The following AGXT2 variants were observed in gnomAD, a reference collection of about 807,000 sequenced individuals.
AGXT2 encodes alanine--glyoxylate aminotransferase 2, mitochondrial.
Under a neutral mutation model 62.5 loss-of-function variants are expected in AGXT2, and 61 were observed. That is an observed-to-expected ratio of 0.98 (90% CI 0.79 to 1.21). The LOEUF is 1.21. Ranked by LOEUF, AGXT2 falls within the 50% of genes most tolerant of loss-of-function variation. AGXT2 has a pLI of 0.00. For synonymous variants in AGXT2, 243 were observed against 218.7 expected (o/e 1.11, Z -0.98); for missense variants, 666 against 641.5 (o/e 1.04, Z -0.41).
chr5:35,042,984 A>G (rs1013590596), intron 1 of AGXT2, among the ~76,000 whole-genome samples: 1 of 152,200 alleles, frequency 6.6e-6, no homozygotes, highest in African/African-American at 2.4e-5. Flanking sequence ...TGAGACATTG[A>G]AAGATGGAAT....
At chr5:35,000,633 G>A (rs551947077) in intron 13 of AGXT2, among the ~76,000 whole-genome samples, 2 of 152,240 alleles carry the variant, frequency 1.3e-5, no homozygotes, top group East Asian at 1.9e-4. Flanking sequence ...CTGCCGCTTC[G>A]GCCTCCCAAA....
In AGXT2 at chr5:35,026,662, G is replaced by C. The variant is rs952140951; in HGVS notation, c.770-152C>G. The C allele has an allele frequency of 1.0e-5, 10 of 959,916 alleles. No individual in the cohort carries two copies. The Admixed American group carries it at 2.4e-4, about 23-fold the overall frequency. The allele number at this position is 959,916 out of a possible 1,614,324, so 59.5% of individuals were successfully genotyped here. A position where few individuals can be genotyped will look rare whatever the true frequency, so the allele number is the denominator to read the frequency against. ...TCAGAATACGGTAAACTGGGGTGAG[G>C]ATATGCATTTCTGAAGGGGGAATGT... is the stretch of plus-strand genomic sequence containing the variant. On this transcript the variant is annotated intron_variant, in intron 7 of 13. Transcript: ENST00000231420.
chr5:35,030,030 C>T (rs1381300578), intron 7 of AGXT2, among the ~76,000 whole-genome samples: 1 of 152,184 alleles, frequency 6.6e-6, no homozygotes, highest in Non-Finnish European at 1.5e-5. Flanking sequence ...CAGGCAACAT[C>T]TATAGTCAAA....
At chr5:35,043,340 G>A (rs1768058393) in intron 1 of AGXT2, among the ~76,000 whole-genome samples, 1 of 152,114 alleles carries the variant, frequency 6.6e-6, no homozygotes, top group Non-Finnish European at 1.5e-5. Context: ...TTGAAAATAT[G>A]CAGTGGACAC....
chr5:35,028,423 A>G (rs1308157411), intron 7 of AGXT2, among the ~76,000 whole-genome samples: 2 of 152,050 alleles, frequency 1.3e-5, no homozygotes, highest in African/African-American at 2.4e-5. Flanking sequence ...ACACAGACAC[A>G]CAGGCATGAA....
intron 11 of AGXT2, among the ~76,000 whole-genome samples, chr5:35,011,163 G>A (rs560549167): frequency 1.3e-5 from 2 of 152,258 alleles, no homozygotes; most frequent in South Asian, 2.1e-4. Context: ...AGGTAACAAA[G>A]CACTTTTTAA....
chr5:35,035,578 A>G (rs1767730820), intron 4 of AGXT2, among the ~76,000 whole-genome samples: 1 of 135,294 alleles, frequency 7.4e-6, no homozygotes, highest in Non-Finnish European at 1.6e-5. Context: ...TAATGGCTTT[A>G]TTTGATGGTC....
chr5:35,001,008 G>A (rs1263764977), intron 13 of AGXT2, among the ~76,000 whole-genome samples: 1 of 152,174 alleles, frequency 6.6e-6, no homozygotes, highest in Non-Finnish European at 1.5e-5. Context: ...TTATAAAATA[G>A]GCTTTGTCAC....
At chr5:35,025,930 T>C in intron 8 of AGXT2, 75 bp from the exon 9 acceptor site, 2 of 1,131,324 alleles carry the variant, frequency 1.8e-6, no homozygotes, top group Non-Finnish European at 2.7e-6. Context: ...AGTTAGATCA[T>C]CATTATCATC....
chr5:35,013,965 A>G (rs1766745070), intron 10 of AGXT2, 22 bp downstream of exon 10: 10 of 1,613,860 alleles, frequency 6.2e-6, no homozygotes, highest in Non-Finnish European at 8.5e-6. Context: ...AGAAGCAAAC[A>G]CAAACTGCCT....
At chr5:35,035,516 A>G (rs1034689710) in intron 4 of AGXT2, among the ~76,000 whole-genome samples, 200 bp from the exon 5 acceptor site, 5 of 152,204 alleles carry the variant, frequency 3.3e-5, no homozygotes. Context: ...TAAGTGCCAG[A>G]CATACAAAAA....
chr5:35,020,185 T>C (rs888489618), intron 9 of AGXT2, among the ~76,000 whole-genome samples: 43 of 152,042 alleles, frequency 2.8e-4, no homozygotes, highest in African/African-American at 1.0e-3. Context: ...ACTATTCCAA[T>C]CAACAGAAAA....
intron 5 of AGXT2, among the ~76,000 whole-genome samples, chr5:35,034,902 T>C (rs571876419): frequency 9.0e-4 from 137 of 152,276 alleles, no homozygotes; most frequent in African/African-American, 3.2e-3. Context: ...CCACTTGGTA[T>C]ATGGTGTGGT....
At chr5:35,009,432 C>CA (rs1224139216) in intron 12 of AGXT2, among the ~76,000 whole-genome samples, 1 of 152,070 alleles carries the variant, frequency 6.6e-6, no homozygotes, top group African/African-American at 2.4e-5. Flanking sequence ...CCCATTTCTA[C>CA]TAAAAATACA....
intron 9 of AGXT2, among the ~76,000 whole-genome samples, chr5:35,024,312 G>T (rs1376403397): frequency 1.3e-5 from 2 of 152,174 alleles, no homozygotes; most frequent in Non-Finnish European, 2.9e-5. Flanking sequence ...CCACCTGTTA[G>T]TCCAATCATG....
intron 11 of AGXT2, among the ~76,000 whole-genome samples, chr5:35,010,356 C>T (rs964318685): frequency 2.0e-5 from 3 of 152,178 alleles, no homozygotes; most frequent in Admixed American, 2.0e-4. Context: ...CTGCCCCCAA[C>T]TCCCTCACCT....
chr5:35,034,372 A>T (rs1324129784), intron 5 of AGXT2, among the ~76,000 whole-genome samples: 1 of 152,146 alleles, frequency 6.6e-6, no homozygotes, highest in Non-Finnish European at 1.5e-5. Context: ...TTATTGTCAT[A>T]TTTCTTATTC....
intron 2 of AGXT2, 118 bp downstream of exon 2, chr5:35,040,457 G>C: frequency 1.1e-6 from 1 of 907,128 alleles, no homozygotes; most frequent in Non-Finnish European, 1.8e-6. Flanking sequence ...ACAATATCTG[G>C]AATGAGGTAG....
intron 7 of AGXT2, chr5:35,027,038 T>C: frequency 1.0e-6 from 1 of 985,316 alleles, no homozygotes; most frequent in Non-Finnish European, 1.2e-6. Context: ...GAGAGCTAGG[T>C]GGCTTCCATC....
Sources: allele counts gnomAD v4.1 joint callset (sites outside exome capture counted in the v4.1 genomes callset), GRCh38; gene constraint gnomAD v4.1.1; transcripts MANE v1.5; gene names NCBI Gene and HGNC (gene_info 2026-07-23, HGNC 2026-07-21).